NEK1: variants seen among roughly 807,000 people sequenced by gnomAD.
NEK1 encodes serine/threonine-protein kinase Nek1.
NEK1 carries 137 observed loss-of-function variants against 182.1 expected under a neutral mutation model. The observed-to-expected ratio is 0.75, with a 90% CI of 0.65 to 0.87. NEK1 has a LOEUF of 0.87. Ranked by LOEUF, NEK1 falls within the 40% of genes least tolerant of loss-of-function variation. The probability of loss-of-function intolerance (pLI) is 0.00; values close to 1 mark genes in which losing one functional copy is unlikely to be tolerated. For synonymous variants in NEK1, 513 were observed against 492.2 expected (o/e 1.04, Z -0.56); for missense variants, 1,391 against 1,494.4 (o/e 0.93, Z 1.14).
At chr4:169,418,422 T>C (rs950505046) in intron 31 of NEK1, among the ~76,000 whole-genome samples, 3 of 152,050 alleles carry the variant, frequency 2.0e-5, no homozygotes, top group Non-Finnish European at 1.5e-5. Context: ...AGTAGGACAA[T>C]ATGATCCATA....
chr4:169,417,388 C>T (rs1278816329), intron 31 of NEK1, among the ~76,000 whole-genome samples: 1 of 152,104 alleles, frequency 6.6e-6, no homozygotes, highest in East Asian at 1.9e-4. Flanking sequence ...TGTGATTTGA[C>T]ATAATTTATA....
chr4:169,490,369 G>A (rs1256018684), intron 23 of NEK1, among the ~76,000 whole-genome samples: 1 of 152,112 alleles, frequency 6.6e-6, no homozygotes, highest in African/African-American at 2.4e-5. Context: ...AGATTTGGAA[G>A]AGGTCACTGA....
intron 16 of NEK1, among the ~76,000 whole-genome samples, 166 bp downstream of exon 16, chr4:169,561,314 T>C (rs540947513): frequency 1.3e-5 from 2 of 152,300 alleles, no homozygotes; most frequent in Non-Finnish European, 2.9e-5. Flanking sequence ...ACATATCAGA[T>C]ACATGCAGGA....
chr4:169,415,314 AG>A (rs1734357685), intron 31 of NEK1, among the ~76,000 whole-genome samples: 1 of 152,250 alleles, frequency 6.6e-6, no homozygotes, highest in Admixed American at 6.5e-5. Flanking sequence ...TATTTACAGT[AG>A]AAGTAGTACT....
In NEK1 at chr4:169,401,600, T is replaced by G. The variant is rs534692596; in HGVS notation, c.3583+52A>C. 3.9e-5 allele frequency: 60 copies of G among 1,521,084 alleles called. No homozygotes were observed. In the Middle Eastern group the frequency reaches 3.6e-3, roughly 92 times the overall value. 94.2% of individuals were successfully genotyped at this position (1,521,084 alleles called of 1,614,324 possible). A position where few individuals can be genotyped will look rare whatever the true frequency, so the allele number is the denominator to read the frequency against. The stretch of plus-strand genomic sequence containing the variant: ...AGAGATTAGAAAAATACACTCTACT[T>G]GAAATATTTGTAAACTGAAAAAGAA... On this transcript the variant is annotated intron_variant, in intron 33 of 35. Transcript: ENST00000507142.
In NEK1 at chr4:169,561,423, C is replaced by A. The variant is rs182570103; in HGVS notation, c.1266+57G>T. On this transcript the variant is annotated intron_variant, in intron 16 of 35. Transcript: ENST00000507142. ...TCCCAAGTACATGCATTTTATAGAA[C>A]AAGGTGGAACTGGAGGGGAAAATGG... The A allele has an allele frequency of 3.3e-5, 48 of 1,436,790 alleles. No homozygotes were observed. The African/African-American group carries it at 4.6e-4, about 14-fold the overall frequency. 89.0% of individuals were successfully genotyped at this position (1,436,790 alleles called of 1,614,324 possible).
At chr4:169,509,326 C>T (rs1417122534) in intron 19 of NEK1, among the ~76,000 whole-genome samples, 1 of 152,094 alleles carries the variant, frequency 6.6e-6, no homozygotes, top group Non-Finnish European at 1.5e-5. Context: ...ACTCTGTGCA[C>T]TCAGGCATGT....
At chr4:169,499,921 C>T (rs1752105625) in intron 23 of NEK1, among the ~76,000 whole-genome samples, 1 of 152,206 alleles carries the variant, frequency 6.6e-6, no homozygotes, top group African/African-American at 2.4e-5. Flanking sequence ...CTACTCTCTT[C>T]AAAGCTGTCA....
At position 169,460,502 on chromosome 4, in the gene NEK1, A is replaced by G. The variant is rs367750227; in HGVS notation, c.2587+2741T>C. Among the ~76,000 whole-genome samples, 7 of 152,252 alleles carry G rather than the reference A, an allele frequency of 4.6e-5. No homozygotes were observed. In the East Asian group the frequency reaches 7.7e-4, roughly 17 times the overall value. ...ATAACACGTGGGAATCATGGGAGCT[A>G]TAAGATGAGATTTGGGTGGGGACAC... On this transcript the variant is annotated intron_variant, in intron 27 of 35. Coordinates refer to ENST00000507142, the MANE Select transcript of NEK1 (RefSeq NM_001199397.3).
intron 9 of NEK1, among the ~76,000 whole-genome samples, chr4:169,586,444 C>T (rs1033113983): frequency 6.6e-5 from 10 of 152,062 alleles, no homozygotes; most frequent in East Asian, 1.9e-4. Context: ...AATGCACTTT[C>T]GTTTATCTCT....
chr4:169,593,905 C>T (rs569624391), intron 5 of NEK1, among the ~76,000 whole-genome samples: 27 of 151,342 alleles, frequency 1.8e-4, no homozygotes, highest in African/African-American at 6.5e-4. Context: ...AGGAGAATGG[C>T]GTGAACCCGG....
chr4:169,529,123 G>A (rs1012810644), intron 19 of NEK1, among the ~76,000 whole-genome samples: 1 of 152,112 alleles, frequency 6.6e-6, no homozygotes, highest in Admixed American at 6.5e-5. Context: ...CTACAGCAAC[G>A]CTTAGAGGGA....
chr4:169,557,966 A>G (rs1762390846), intron 16 of NEK1, among the ~76,000 whole-genome samples: 1 of 152,098 alleles, frequency 6.6e-6, no homozygotes, highest in Non-Finnish European at 1.5e-5. Flanking sequence ...ATAATAAAAG[A>G]AACAAAGAAA....
At chr4:169,513,285 G>C (rs752032471) in intron 19 of NEK1, among the ~76,000 whole-genome samples, 3 of 151,868 alleles carry the variant, frequency 2.0e-5, no homozygotes, top group Non-Finnish European at 4.4e-5. Context: ...TCATTTAATT[G>C]CATTTAATAT....
intron 19 of NEK1, among the ~76,000 whole-genome samples, chr4:169,510,266 T>C (rs759706876): frequency 6.6e-6 from 1 of 152,182 alleles, no homozygotes; most frequent in Non-Finnish European, 1.5e-5. Context: ...TTTCTGTGTA[T>C]GTTAAACTGA....
intron 23 of NEK1, among the ~76,000 whole-genome samples, chr4:169,488,862 AT>A (rs371086585): frequency 0.011 from 1,645 of 151,690 alleles, 28 homozygotes; most frequent in African/African-American, 0.035. Context: ...ACTTTAATCA[AT>A]TTTTTTTTGT....
chr4:169,595,708 G>A (rs1350463156), intron 5 of NEK1, among the ~76,000 whole-genome samples: 1 of 151,950 alleles, frequency 6.6e-6, no homozygotes, highest in Admixed American at 6.6e-5. Flanking sequence ...CGGATCACGA[G>A]GTCAGGAGAT....
chr4:169,597,603 T>A (rs1234278669), intron 5 of NEK1, among the ~76,000 whole-genome samples: 1 of 152,106 alleles, frequency 6.6e-6, no homozygotes, highest in Non-Finnish European at 1.5e-5. Context: ...GCCACTGCAC[T>A]CCAGCTGGGG....
At position 169,422,088 on chromosome 4, in the gene NEK1, T is replaced by C. The variant is rs139758490; in HGVS notation, c.3222+2465A>G. Among the ~76,000 whole-genome samples the C allele has an allele frequency of 3.7e-3, 563 of 152,258 alleles. 9 individuals are homozygous for C. The South Asian group carries it at 0.038, about 10-fold the overall frequency. On this transcript the variant is annotated intron_variant, in intron 31 of 35. Transcript: ENST00000507142. The stretch of plus-strand genomic sequence containing the variant: ...ATTTAAAAGTACAGCATATATGAAC[T>C]CTGAAAAGCTAAGAAAGGTGAAAGA...
Sources: gnomAD v4.1 joint callset for allele counts (sites outside exome capture counted in the v4.1 genomes callset) on GRCh38, gnomAD v4.1.1 for gene constraint, MANE v1.5 for transcripts, NCBI Gene and HGNC (gene_info 2026-07-23, HGNC 2026-07-21) for gene names.